The following PTPRM variants were observed in gnomAD, a reference collection of about 807,000 sequenced individuals.
The protein encoded by PTPRM is receptor-type tyrosine-protein phosphatase mu.
Under a neutral mutation model 186.7 loss-of-function variants are expected in PTPRM, and 47 were observed. The ratio of observed to expected loss-of-function variants is 0.25; its 90% CI spans 0.20 to 0.32. PTPRM has a LOEUF of 0.32. PTPRM is among the 10% of genes least tolerant of loss of function. PTPRM has a pLI of 1.00. For synonymous variants in PTPRM, 668 were observed against 674.9 expected, an observed-to-expected ratio of 0.99 and a Z score of 0.16; for missense variants, 1,494 against 1,865.0, an observed-to-expected ratio of 0.80 and a Z score of 3.66.
At chr18:8,168,943 C>T (rs2093359859) in intron 14 of PTPRM, among the ~76,000 whole-genome samples, 1 of 152,140 alleles carries the variant, frequency 6.6e-6, no homozygotes, top group Non-Finnish European at 1.5e-5. Flanking sequence ...ACCCATAATC[C>T]AGATTCACTA....
intron 1 of PTPRM, among the ~76,000 whole-genome samples, chr18:7,634,155 TTC>T (rs1200356669): frequency 6.6e-6 from 1 of 152,142 alleles, no homozygotes; most frequent in Non-Finnish European, 1.5e-5. Context: ...TGTAGCTCCT[TTC>T]TGTTTTTTCT....
At chr18:8,024,385 C>T (rs2085429791) in intron 7 of PTPRM, among the ~76,000 whole-genome samples, 1 of 152,148 alleles carries the variant, frequency 6.6e-6, no homozygotes, top group South Asian at 2.1e-4. Flanking sequence ...CTTACTGCCC[C>T]ATGGCTGTGG....
chr18:8,153,522 G>T (rs1213431315), intron 14 of PTPRM, among the ~76,000 whole-genome samples: 2 of 151,900 alleles, frequency 1.3e-5, no homozygotes, highest in Non-Finnish European at 2.9e-5. Flanking sequence ...TGCCACTTTG[G>T]GATTTGCTTT....
chr18:7,662,873 A>AAATTAAG (rs1447618374), intron 1 of PTPRM, among the ~76,000 whole-genome samples: 13 of 152,296 alleles, frequency 8.5e-5, no homozygotes, highest in African/African-American at 3.1e-4. Context: ...ATCCACAAAA[A>AAATTAAG]AATTAAGAAT....
chr18:7,632,973 C>T (rs1261713224), intron 1 of PTPRM, among the ~76,000 whole-genome samples: 1 of 152,152 alleles, frequency 6.6e-6, no homozygotes, highest in Non-Finnish European at 1.5e-5. Context: ...ATAGAGAATC[C>T]TCAGGATTAG....
At chr18:7,713,724 C>A (rs2040261804) in intron 1 of PTPRM, among the ~76,000 whole-genome samples, 1 of 148,868 alleles carries the variant, frequency 6.7e-6, no homozygotes, top group African/African-American at 2.5e-5. Context: ...GGAGGGGTCG[C>A]AATCCTGGTT....
chr18:7,814,522 G>T (rs1211545742), intron 2 of PTPRM: 1 of 152,214 alleles, frequency 6.6e-6, no homozygotes, highest in East Asian at 1.9e-4. Context: ...AAAAGGACAG[G>T]TGTCATGGAA....
intron 1 of PTPRM, among the ~76,000 whole-genome samples, chr18:7,604,155 C>T (rs559837737): frequency 5.6e-4 from 85 of 152,250 alleles, no homozygotes; most frequent in Non-Finnish European, 8.4e-4. Context: ...TCTCTTCCTT[C>T]GGAAGACTGA....
chr18:7,854,427 G>GA (rs2046999104), intron 2 of PTPRM, among the ~76,000 whole-genome samples: 1 of 152,060 alleles, frequency 6.6e-6, no homozygotes, highest in African/African-American at 2.4e-5. Context: ...GTAAAATCTT[G>GA]ACAGGGATTG....
chr18:8,052,293 A>G (rs2148275842), intron 7 of PTPRM, among the ~76,000 whole-genome samples: 1 of 152,306 alleles, frequency 6.6e-6, no homozygotes, highest in African/African-American at 2.4e-5. Flanking sequence ...GATGAGGCCT[A>G]GAGAGTTTTA....
chr18:7,890,620 T>G (rs1242072788), intron 3 of PTPRM, among the ~76,000 whole-genome samples: 4 of 152,156 alleles, frequency 2.6e-5, no homozygotes, highest in African/African-American at 4.8e-5. Context: ...AGTTTTAAAA[T>G]TGTTAAAAAA....
chr18:8,369,675 G>A (rs1442713059), intron 23 of PTPRM, among the ~76,000 whole-genome samples: 7 of 152,216 alleles, frequency 4.6e-5, no homozygotes, highest in Non-Finnish European at 1.0e-4. Context: ...AATTCAGAAG[G>A]TTGGGCACAG....
At chr18:8,187,099 T>A (rs1041763627) in intron 14 of PTPRM, among the ~76,000 whole-genome samples, 1 of 151,988 alleles carries the variant, frequency 6.6e-6, no homozygotes, top group Admixed American at 6.6e-5. Flanking sequence ...GCCACCACGC[T>A]GGGCAAATTT....
At chr18:7,766,866 A>G (rs1747387822) in intron 1 of PTPRM, among the ~76,000 whole-genome samples, 1 of 152,250 alleles carries the variant, frequency 6.6e-6, no homozygotes, top group Non-Finnish European at 1.5e-5. Context: ...TACAGGGAAT[A>G]TTGATGCTTG....
intron 7 of PTPRM, among the ~76,000 whole-genome samples, chr18:7,955,682 A>G (rs1568072583): frequency 6.6e-6 from 1 of 152,136 alleles, no homozygotes; most frequent in Non-Finnish European, 1.5e-5. Context: ...TTGTTCATAT[A>G]GGAATTGTCT....
intron 1 of PTPRM, among the ~76,000 whole-genome samples, chr18:7,763,656 T>C (rs1024454498): frequency 6.6e-6 from 1 of 152,254 alleles, no homozygotes; most frequent in Non-Finnish European, 1.5e-5. Context: ...TGTGAAACTA[T>C]ATTTACTTTT....
intron 1 of PTPRM, among the ~76,000 whole-genome samples, chr18:7,768,648 A>ATT (rs5822981): frequency 4.4e-5 from 6 of 137,270 alleles, no homozygotes; most frequent in African/African-American, 1.4e-4. Context: ...ATATATATAT[A>ATT]TTTTTTTTTT....
chr18:8,403,390 G>C (rs1371154430), intron 32 of PTPRM: 1 of 152,204 alleles, frequency 6.6e-6, no homozygotes, highest in Non-Finnish European at 1.5e-5. Context: ...GCAGGGAGGA[G>C]AGGGAGGGTT....
At chr18:7,707,998 T>G (rs369142878) in intron 1 of PTPRM, among the ~76,000 whole-genome samples, 1 of 152,256 alleles carries the variant, frequency 6.6e-6, no homozygotes, top group East Asian at 1.9e-4. Context: ...AGAATTACTT[T>G]AGCACTAGAA....
Sources: allele counts gnomAD v4.1 joint callset (sites outside exome capture counted in the v4.1 genomes callset), GRCh38; gene constraint gnomAD v4.1.1; transcripts MANE v1.5; gene names NCBI Gene and HGNC (gene_info 2026-07-23, HGNC 2026-07-21).